The following RMDN3 variants were observed in gnomAD, a reference collection of about 807,000 sequenced individuals.
The protein encoded by RMDN3 is regulator of microtubule dynamics 3.
Under a neutral mutation model 61.8 loss-of-function variants are expected in RMDN3, and 41 were observed. That is an observed-to-expected ratio of 0.66 (90% CI 0.52 to 0.86). The LOEUF is 0.86. Among genes scored for constraint, RMDN3 ranks in the 40% least tolerant of loss-of-function variants. The pLI, the probability that RMDN3 is intolerant of heterozygous loss-of-function variation, is 0.00. For synonymous variants in RMDN3, 247 were observed against 232.0 expected, an observed-to-expected ratio of 1.06 and a Z score of -0.59; for missense variants, 557 against 585.3, an observed-to-expected ratio of 0.95 and a Z score of 0.50.
intron 4 of RMDN3, 94 bp downstream of exon 4, chr15:40,751,332 T>C: frequency 2.7e-6 from 4 of 1,484,930 alleles, no homozygotes; most frequent in Non-Finnish European, 3.7e-6. Context: ...CCAAAAATCA[T>C]TTGCAGCAGC....
chr15:40,754,602 C>T lies in RMDN3; in HGVS notation c.182G>A (p.Arg61His). 1.2e-6 allele frequency: 2 copies of T among 1,610,586 alleles called. No individual in the cohort carries two copies. The highest frequency in any genetic ancestry group is 1.7e-6 in the Non-Finnish European group (2 of 1,177,848). The change falls in exon 2 of 13, where the codon CGC (arginine) becomes CAC (histidine). Residue 61 changes from arginine (R) to histidine (H), a missense_variant. Arg to His is a conservative substitution (Grantham distance 29). Transcript: ENST00000338376. ...CTCAGGAGACGGGCTCCTACCGTGG[C>T]GTCCGGGATCTGAAGTCTGCGTATA... The part of the protein sequence containing the change: ...LDYTQTSDPG[R>H]HVMLLRAVPG...
intron 1 of RMDN3, 74 bp downstream of exon 1, chr15:40,755,009 T>C: frequency 2.0e-6 from 1 of 509,824 alleles, no homozygotes; most frequent in Middle Eastern, 5.2e-4. Flanking sequence ...TCACCCAGCC[T>C]GGACGTAGCC....
At chr15:40,736,924 G>A (rs1422533134) in intron 12 of RMDN3, among the ~76,000 whole-genome samples, 200 bp downstream of exon 12, 3 of 152,166 alleles carry the variant, frequency 2.0e-5, no homozygotes, top group Non-Finnish European at 2.9e-5. Context: ...CACGATCTGA[G>A]CTCACTGCAA....
chr15:40,737,484 A>G, intron 10 of RMDN3, 143 bp from the exon 11 acceptor site: 1 of 1,119,392 alleles, frequency 8.9e-7, no homozygotes, highest in South Asian at 1.3e-5. Flanking sequence ...AAGCTGTGCA[A>G]GTGATTCTGG....
intron 12 of RMDN3, 132 bp from the exon 13 acceptor site, chr15:40,736,726 A>G (rs2141896569): frequency 2.7e-6 from 2 of 748,686 alleles, no homozygotes; most frequent in Non-Finnish European, 4.5e-6. Flanking sequence ...CTTCCCCAGG[A>G]TAGCCTGGAG....
intron 7 of RMDN3, among the ~76,000 whole-genome samples, chr15:40,739,904 G>A (rs1035132330): frequency 9.2e-5 from 14 of 152,060 alleles, no homozygotes; most frequent in African/African-American, 3.4e-4. Context: ...AGCCCCATCA[G>A]AAAAAAAGCT....
chr15:40,747,474 C>T (rs1897623333), intron 4 of RMDN3, among the ~76,000 whole-genome samples: 1 of 152,178 alleles, frequency 6.6e-6, no homozygotes, highest in Admixed American at 6.5e-5. Context: ...CAATCTGAAA[C>T]CCTACTGCCT....
rs114290296 is a variant in RMDN3 at position 40,745,284 on chromosome 15, C to T, written c.525-25G>A. 641 of 1,608,796 alleles carry T rather than the reference C, an allele frequency of 4.0e-4. 3 individuals carry two copies. In the African/African-American group the frequency reaches 8.1e-3, roughly 20 times the overall value. ...ACTGGCAGAGAAATGTAAGGGACAA[C>T]AAGAGGATTATTCAGCTCAGAGCCC... On this transcript the variant is annotated intron_variant, in intron 4 of 12. Coordinates refer to ENST00000338376, the MANE Select transcript of RMDN3 (RefSeq NM_018145.3).
At chr15:40,752,497 AC>A (rs112034526) in intron 2 of RMDN3, among the ~76,000 whole-genome samples, 68,566 of 149,828 alleles carry the variant, frequency 0.46, 16,001 homozygotes, top group East Asian at 0.64. Flanking sequence ...TTAAAAAAAA[AC>A]AAAAACCTTC....
At chr15:40,751,296 C>G in intron 4 of RMDN3, 130 bp downstream of exon 4, 1 of 1,149,486 alleles carries the variant, frequency 8.7e-7, no homozygotes, top group Non-Finnish European at 1.2e-6. Flanking sequence ...TTCAACTCTT[C>G]TGTATTTATT....
intron 8 of RMDN3, 29 bp downstream of exon 8, chr15:40,738,472 A>C: frequency 6.2e-7 from 1 of 1,611,244 alleles, no homozygotes; most frequent in East Asian, 2.2e-5. Context: ...ATAGGCCAGC[A>C]CAAGGAAGGA....
Position 40,743,909 on chromosome 15 carries a change from C to T in RMDN3, c.910+138G>A, listed in dbSNP as rs1312491461. 3.5e-5 allele frequency: 22 copies of T among 637,358 alleles called. No individual in the cohort carries two copies. In the Admixed American group the frequency reaches 6.5e-4, roughly 19 times the overall value. 39.5% of individuals were successfully genotyped at this position (637,358 alleles called of 1,614,324 possible). A position where few individuals can be genotyped will look rare whatever the true frequency, so the allele number is the denominator to read the frequency against. ...AGGAGAAAGCAAGGGTCTTTGGGAG[C>T]CAGAGTTTGTCCCTAGTGGGTAACT... On this transcript the variant is annotated intron_variant, in intron 6 of 12. Transcript: ENST00000338376.
Position 40,737,309 on chromosome 15 carries a change from T to C in RMDN3, c.1257A>G (p.Ala419=), listed in dbSNP as rs757905300. The C allele has an allele frequency of 1.2e-6, 2 of 1,614,118 alleles. No individual in the cohort carries two copies. The highest frequency in any genetic ancestry group is 1.7e-6 in the Non-Finnish European group (2 of 1,179,942). The change falls in exon 11 of 13, where the codon GCA becomes GCG. Residue 419 remains alanine (A), a synonymous_variant. Transcript: ENST00000338376. The stretch of plus-strand genomic sequence containing the variant: ...TTACCTTGGAAATATATACCCTTCC[T>C]GCTTTGGAAAATCCTGGCTGTAGTT... ...AEELQPGFSK[A]GRVYISKCYR...
chr15:40,749,429 A>ACCACTTGAGCCCAAGAGGTTGAGG (rs1897718726), intron 4 of RMDN3, among the ~76,000 whole-genome samples: 1 of 152,240 alleles, frequency 6.6e-6, no homozygotes, highest in Admixed American at 6.5e-5. Flanking sequence ...AGGCAGGAGC[A>ACCACTTGAGCCCAAGAGGTTGAGG]CCACTTGAGC....
rs1234651660 is a variant in RMDN3 at position 40,741,339 on chromosome 15, CTT to C, written c.911-1148_911-1147del. Among the ~76,000 whole-genome samples, 4 of 151,562 alleles carry C rather than the reference CTT, an allele frequency of 2.6e-5. No individual in the cohort carries two copies. In the South Asian group the frequency reaches 8.3e-4, roughly 31 times the overall value. ...TGGGCAACATAGGCAGACCCCATCT[CTT>C]TAAAAAAAAAAATTCTCAAAAGGAT... On this transcript the variant is annotated intron_variant, in intron 6 of 12. Transcript: ENST00000338376.
rs1897062120 is a variant in RMDN3, at chr15:40,736,672, G to A, written c.1360-78C>T. Reference sequence around the variant, plus strand: ...CAAACCAGTGGAACCTAAGAAGAGGGGCCCTTTGCTTCCTTCCTGAGCTCT... The same window carrying A: ...CAAACCAGTGGAACCTAAGAAGAGGAGCCCTTTGCTTCCTTCCTGAGCTCT... On this transcript the variant is annotated intron_variant, in intron 12 of 12. Coordinates refer to ENST00000338376, the MANE Select transcript of RMDN3 (RefSeq NM_018145.3). 3 of 1,282,884 alleles carry A rather than the reference G, an allele frequency of 2.3e-6. No individual in the cohort carries two copies. The East Asian group carries it at 6.9e-5, about 30-fold the overall frequency. 79.5% of individuals were successfully genotyped at this position (1,282,884 alleles called of 1,614,324 possible). A position where few individuals can be genotyped will look rare whatever the true frequency, so the allele number is the denominator to read the frequency against.
chr15:40,736,704 G>T, intron 12 of RMDN3, 110 bp from the exon 13 acceptor site: 1 of 912,492 alleles, frequency 1.1e-6, no homozygotes. Flanking sequence ...CTCTGCTACA[G>T]TCTTTTTCCT....
rs904371733 is a variant in RMDN3, at chr15:40,737,858, A to C, written c.1125+107T>G. The C allele has an allele frequency of 6.1e-6, 9 of 1,476,034 alleles. No individual in the cohort carries two copies. In the Middle Eastern group the frequency reaches 5.2e-4, roughly 86 times the overall value. 91.4% of individuals were successfully genotyped at this position (1,476,034 alleles called of 1,614,324 possible). Reference sequence around the variant, plus strand: ...ACCAATAATACGAGCATTCAGAAGAAAGGGCACCTGAGCCAGAGAAGGCTG... The same window carrying C: ...ACCAATAATACGAGCATTCAGAAGACAGGGCACCTGAGCCAGAGAAGGCTG... On this transcript the variant is annotated intron_variant, in intron 9 of 12. Coordinates refer to ENST00000338376, the MANE Select transcript of RMDN3 (RefSeq NM_018145.3).
chr15:40,737,378 C>G lies in RMDN3; in HGVS notation c.1225-37G>C, dbSNP rs753674994. 24 of 1,582,668 alleles carry G rather than the reference C, an allele frequency of 1.5e-5. No individual in the cohort carries two copies. In the South Asian group the frequency reaches 2.7e-4, roughly 18 times the overall value. ...GACAAAGATATTTCAGTAAGAGGTT[C>G]CTATATTCTAATCAGGCTGAAGTTT... On this transcript the variant is annotated intron_variant, in intron 10 of 12. Transcript: ENST00000338376.
Sources: allele counts gnomAD v4.1 joint callset (sites outside exome capture counted in the v4.1 genomes callset), GRCh38; gene constraint gnomAD v4.1.1; transcripts MANE v1.5; gene names NCBI Gene and HGNC (gene_info 2026-07-23, HGNC 2026-07-21).